L3MBTL3: variants seen among roughly 807,000 people sequenced by gnomAD.
L3MBTL3 encodes lethal(3)malignant brain tumor-like protein 3.
In L3MBTL3, 27 loss-of-function variants were observed where a neutral mutation model predicts 102.3. The ratio of observed to expected loss-of-function variants is 0.26; its 90% confidence interval spans 0.19 to 0.36. The LOEUF (loss-of-function observed/expected upper bound fraction) is 0.36. Ranked by LOEUF, L3MBTL3 falls within the 10% of genes least tolerant of loss-of-function variation. The probability of loss-of-function intolerance (pLI) is 1.00; values close to 1 mark genes in which losing one functional copy is unlikely to be tolerated. For synonymous variants in L3MBTL3, 340 were observed against 320.9 expected (o/e 1.06, Z -0.64); for missense variants, 798 against 955.3 (o/e 0.84, Z 2.17).
intron 19 of L3MBTL3, among the ~76,000 whole-genome samples, chr6:130,108,231 G>GTTTTTTTTTTTTTTTTTT (rs869221525): frequency 7.7e-5 from 7 of 91,050 alleles, no homozygotes; most frequent in Non-Finnish European, 1.3e-4. Context: ...TTTTTTTTTT[G>GTTTTTTTTTTTTTTTTTT]TTTTTTTTTT....
At chr6:130,098,908 T>A (rs999286240) in intron 18 of L3MBTL3, among the ~76,000 whole-genome samples, 8 of 143,874 alleles carry the variant, frequency 5.6e-5, no homozygotes, top group Non-Finnish European at 9.0e-5. Context: ...CAGGACAGAG[T>A]GCGAAAATGA....
intron 1 of L3MBTL3, among the ~76,000 whole-genome samples, chr6:130,021,965 G>A (rs944919613): frequency 6.6e-6 from 1 of 152,186 alleles, no homozygotes; most frequent in Non-Finnish European, 1.5e-5. Context: ...AATGATCCTT[G>A]TAACTTTCAC....
At chr6:130,036,426 A>C (rs374430589) in intron 2 of L3MBTL3, among the ~76,000 whole-genome samples, 2 of 152,226 alleles carry the variant, frequency 1.3e-5, no homozygotes, top group African/African-American at 4.8e-5. Flanking sequence ...TAGAATGAAA[A>C]TATGGGTGAA....
chr6:130,126,248 G>A (rs756615394), intron 20 of L3MBTL3, among the ~76,000 whole-genome samples: 8 of 152,076 alleles, frequency 5.3e-5, no homozygotes, highest in Non-Finnish European at 8.8e-5. Flanking sequence ...GAAAGGTATG[G>A]TTTTGTTTTC....
At chr6:130,098,274 A>G (rs1189056249) in intron 18 of L3MBTL3, among the ~76,000 whole-genome samples, 1 of 152,134 alleles carries the variant, frequency 6.6e-6, no homozygotes, top group Non-Finnish European at 1.5e-5. Context: ...ATATTAATTC[A>G]CCATGCATCT....
At chr6:130,100,874 T>G (rs1005547799) in intron 18 of L3MBTL3, among the ~76,000 whole-genome samples, 1 of 152,054 alleles carries the variant, frequency 6.6e-6, no homozygotes, top group African/African-American at 2.4e-5. Context: ...ATCCTGCGAG[T>G]CTTCCCATTG....
chr6:130,052,641 T>A (rs981206555), intron 6 of L3MBTL3, among the ~76,000 whole-genome samples: 7 of 152,210 alleles, frequency 4.6e-5, no homozygotes, highest in Non-Finnish European at 8.8e-5. Flanking sequence ...TATAAGGTAA[T>A]TTTCATTTTC....
In L3MBTL3 at chr6:130,064,358, G is replaced by T. The variant is rs1054275923; in HGVS notation, c.865-1995G>T. Among the ~76,000 whole-genome samples the T allele has an allele frequency of 8.5e-5, 13 of 152,138 alleles. 1 individual carries two copies. Among genetic ancestry groups the T allele is most frequent in the South Asian group, 2.1e-4 (1 of 4,824 alleles). ...TGGGGGTAACTGGGTTTGCAGACTG[G>T]AATAGGAGTATGTGTCCCAGGGTTG... On this transcript the variant is annotated intron_variant, in intron 10 of 22. Transcript: ENST00000361794.
At chr6:130,034,086 A>G (rs747599649) in intron 2 of L3MBTL3, among the ~76,000 whole-genome samples, 1 of 152,136 alleles carries the variant, frequency 6.6e-6, no homozygotes, top group Non-Finnish European at 1.5e-5. Flanking sequence ...CAGCCTCTTT[A>G]TTTTGAATAT....
intron 14 of L3MBTL3, among the ~76,000 whole-genome samples, chr6:130,080,319 G>T (rs1215189368): frequency 6.6e-6 from 1 of 151,758 alleles, no homozygotes; most frequent in Non-Finnish European, 1.5e-5. Flanking sequence ...ACATAGTGCT[G>T]CCTGGAAGAT....
intron 1 of L3MBTL3, among the ~76,000 whole-genome samples, chr6:130,019,722 G>C (rs1337078414): frequency 1.3e-5 from 2 of 151,564 alleles, no homozygotes; most frequent in Non-Finnish European, 2.9e-5. Flanking sequence ...GAGTGTGTGA[G>C]AATTTCATAT....
chr6:130,063,151 C>T (rs1782022011), intron 10 of L3MBTL3, among the ~76,000 whole-genome samples: 1 of 152,056 alleles, frequency 6.6e-6, no homozygotes, highest in African/African-American at 2.4e-5. Flanking sequence ...AGATCCAAGT[C>T]TTAGGCAGAA....
chr6:130,033,212 G>C (rs1050914700), intron 2 of L3MBTL3, among the ~76,000 whole-genome samples: 1 of 152,168 alleles, frequency 6.6e-6, no homozygotes, highest in African/African-American at 2.4e-5. Flanking sequence ...GGTGAGTCGG[G>C]TGGGGAGGCT....
At chr6:130,137,367 G>C (rs1206365869) in intron 22 of L3MBTL3, among the ~76,000 whole-genome samples, 1 of 152,184 alleles carries the variant, frequency 6.6e-6, no homozygotes, top group Non-Finnish European at 1.5e-5. Flanking sequence ...AGTAAGCCTT[G>C]TAATACATTG....
At chr6:130,058,759 T>C (rs1030499896) in intron 9 of L3MBTL3, among the ~76,000 whole-genome samples, 1 of 152,248 alleles carries the variant, frequency 6.6e-6, no homozygotes, top group Non-Finnish European at 1.5e-5. Context: ...GGCATCGCTA[T>C]GTTCCAGTAA....
intron 20 of L3MBTL3, among the ~76,000 whole-genome samples, chr6:130,127,833 A>T (rs528340905): frequency 4.6e-5 from 7 of 152,160 alleles, no homozygotes; most frequent in Non-Finnish European, 1.0e-4. Flanking sequence ...AGTTTATTTA[A>T]TACCTGCTGC....
At chr6:130,060,702 A>T (rs1349689400) in intron 10 of L3MBTL3, among the ~76,000 whole-genome samples, 1 of 143,356 alleles carries the variant, frequency 7.0e-6, no homozygotes, top group Non-Finnish European at 1.5e-5. Flanking sequence ...ACAGATACTT[A>T]TTTTTTTTTT....
chr6:130,078,489 C>G (rs1371598771), intron 13 of L3MBTL3, 69 bp from the exon 14 acceptor site: 11 of 1,045,520 alleles, frequency 1.1e-5, no homozygotes. Context: ...CTCTAGTTTT[C>G]TTTTTATTTT....
At chr6:130,101,097 C>T (rs939097794) in intron 18 of L3MBTL3, among the ~76,000 whole-genome samples, 7 of 151,928 alleles carry the variant, frequency 4.6e-5, no homozygotes, top group African/African-American at 1.2e-4. Flanking sequence ...TTTGCTGCCA[C>T]GAAGCTTAAG....
Sources: allele counts gnomAD v4.1 joint callset (sites outside exome capture counted in the v4.1 genomes callset), GRCh38; gene constraint gnomAD v4.1.1; transcripts MANE v1.5; gene names NCBI Gene and HGNC (gene_info 2026-07-23, HGNC 2026-07-21).